TLL1: variants seen among roughly 807,000 people sequenced by gnomAD.
The protein encoded by TLL1 is tolloid-like protein 1.
In TLL1, 49 loss-of-function variants were observed where a neutral mutation model predicts 128.2. The observed-to-expected ratio is 0.38, with a 90% CI of 0.30 to 0.48. TLL1 has a LOEUF of 0.48. Ranked by LOEUF, TLL1 falls within the 20% of genes least tolerant of loss-of-function variation. The probability of loss-of-function intolerance (pLI) is 0.96; values close to 1 mark genes in which losing one functional copy is unlikely to be tolerated. For synonymous variants in TLL1, 454 were observed against 418.8 expected (o/e 1.08, Z -1.03); for missense variants, 1,123 against 1,242.0 (o/e 0.90, Z 1.44).
chr4:166,008,096 T>C (rs867205714), intron 7 of TLL1, 48 bp downstream of exon 7: 3 of 1,379,136 alleles, frequency 2.2e-6, no homozygotes, highest in African/African-American at 2.9e-5. Flanking sequence ...CTTTCCTCCA[T>C]GTGGCTCCTC....
At chr4:165,992,776 T>G in intron 2 of TLL1, 28 bp from the exon 3 acceptor site, 2 of 1,604,632 alleles carry the variant, frequency 1.2e-6, no homozygotes, top group Non-Finnish European at 1.7e-6. Flanking sequence ...ATATTTTGAG[T>G]TTAACTTGTT....
intron 7 of TLL1, among the ~76,000 whole-genome samples, chr4:166,010,661 G>C (rs959844973): frequency 6.6e-6 from 1 of 150,920 alleles, no homozygotes; most frequent in Non-Finnish European, 1.5e-5. Context: ...ATGTCATCCT[G>C]TTTGTCTATT....
At chr4:165,955,897 T>C (rs574914969) in intron 1 of TLL1, among the ~76,000 whole-genome samples, 1 of 152,054 alleles carries the variant, frequency 6.6e-6, no homozygotes, top group Admixed American at 6.6e-5. Context: ...AGCTGAGAAA[T>C]AAAGAGAAAG....
At chr4:166,054,656 A>C (rs1739918415) in intron 12 of TLL1, among the ~76,000 whole-genome samples, 2 of 147,972 alleles carry the variant, frequency 1.4e-5, no homozygotes, top group South Asian at 4.3e-4. Context: ...ATGAGTGAGA[A>C]TATGCAGCAA....
intron 9 of TLL1, among the ~76,000 whole-genome samples, chr4:166,036,504 T>C (rs1220079898): frequency 6.6e-6 from 1 of 152,190 alleles, no homozygotes; most frequent in East Asian, 1.9e-4. Context: ...TCACGTAAAA[T>C]AACATAATGT....
At chr4:165,939,599 C>A (rs1479731535) in intron 1 of TLL1, among the ~76,000 whole-genome samples, 1 of 152,010 alleles carries the variant, frequency 6.6e-6, no homozygotes, top group Non-Finnish European at 1.5e-5. Context: ...GCTATTGAAG[C>A]TTTCTAGAGT....
In TLL1 at chr4:166,093,196, A is replaced by T. The variant is rs1741856464; in HGVS notation, c.2656+1855A>T. 2.6e-5 allele frequency among the ~76,000 whole-genome samples: 4 copies of T among 152,124 alleles called. 1 individual carries two copies. The highest frequency in any genetic ancestry group is 4.1e-4 in the South Asian group (2 of 4,826). On this transcript the variant is annotated intron_variant, in intron 19 of 20. Transcript: ENST00000061240. ...GGCCCAGGAGACCGGCACTTAGCAC[A>T]CCAAGGACCTGCACTGGCACTGGTC...
intron 1 of TLL1, among the ~76,000 whole-genome samples, chr4:165,894,795 C>G (rs79621863): frequency 6.7e-6 from 1 of 150,116 alleles, no homozygotes; most frequent in African/African-American, 2.5e-5. Flanking sequence ...TCTGTTACTA[C>G]CTTTCTGGAG....
At chr4:166,093,611 CTT>C (rs1741882393) in intron 19 of TLL1, among the ~76,000 whole-genome samples, 2 of 152,282 alleles carry the variant, frequency 1.3e-5, no homozygotes, top group Admixed American at 1.3e-4. Flanking sequence ...AGGCTTTCCT[CTT>C]TTACTAATCC....
intron 9 of TLL1, 38 bp downstream of exon 9, chr4:166,025,469 A>T: frequency 6.9e-7 from 1 of 1,454,290 alleles, no homozygotes; most frequent in Non-Finnish European, 9.7e-7. Flanking sequence ...TTATTCTTAT[A>T]TAAGTACAAA....
intron 1 of TLL1, among the ~76,000 whole-genome samples, chr4:165,957,271 T>C (rs1734847442): frequency 6.6e-6 from 1 of 152,166 alleles, no homozygotes; most frequent in East Asian, 1.9e-4. Context: ...CATTACATAG[T>C]GGTAAAGGAT....
intron 1 of TLL1, among the ~76,000 whole-genome samples, chr4:165,985,812 C>T (rs1229390062): frequency 1.3e-5 from 2 of 152,088 alleles, no homozygotes; most frequent in Non-Finnish European, 2.9e-5. Flanking sequence ...TGTGCATTAA[C>T]GGCAAATAAC....
In TLL1 at chr4:166,039,534, A is replaced by C. The variant is rs573770987; in HGVS notation, c.1261+93A>C. 34 of 869,980 alleles carry C rather than the reference A, an allele frequency of 3.9e-5. No individual in the cohort carries two copies. In the African/African-American group the frequency reaches 5.2e-4, roughly 13 times the overall value. 53.9% of individuals were successfully genotyped at this position (869,980 alleles called of 1,614,324 possible). On this transcript the variant is annotated intron_variant, in intron 10 of 20. Transcript: ENST00000061240. ...TCTCTCAAGAGTCATCGTAGAGTTAAAAATGTGTGTGACTAACATTATTTT... is the reference window on the plus strand; with the variant it reads ...TCTCTCAAGAGTCATCGTAGAGTTACAAATGTGTGTGACTAACATTATTTT...
intron 16 of TLL1, among the ~76,000 whole-genome samples, chr4:166,073,617 A>G (rs1265267250): frequency 6.6e-6 from 1 of 152,152 alleles, no homozygotes; most frequent in African/African-American, 2.4e-5. Flanking sequence ...AAAAACTGAG[A>G]TTGCCTGTAT....
At chr4:165,921,163 T>C (rs1180966914) in intron 1 of TLL1, among the ~76,000 whole-genome samples, 4 of 152,162 alleles carry the variant, frequency 2.6e-5, no homozygotes, top group African/African-American at 4.8e-5. Flanking sequence ...GGGGCCCAAA[T>C]GAGATGACAT....
rs1186429585 is a variant in TLL1, at chr4:166,043,326, T to C, written c.1431T>C (p.Asn477=). Residue 477 remains asparagine (N), a synonymous_variant, in exon 12 of 21, where the codon AAT becomes AAC. Transcript: ENST00000061240. ...RKNEGQIQSP[N]YPDDYRPMKE... is the part of the protein sequence containing the mutation. ...ATGAAGGACAGATTCAGTCTCCCAA[T>C]TATCCTGATGACTATCGCCCGATGA... 1 of 1,614,028 alleles carries C rather than the reference T, an allele frequency of 6.2e-7. No individual in the cohort carries two copies. The highest frequency in any genetic ancestry group is 1.3e-5 in the African/African-American group (1 of 74,928).
rs1240167903 is a variant in TLL1 at position 166,103,158 on chromosome 4, G to A, written c.*2282G>A. ...GAAACCCAGTTTATCTTATACAAATGAGCCTCTGCTTGTTCTACAAAGGTA... is the reference window on the plus strand; with the variant it reads ...GAAACCCAGTTTATCTTATACAAATAAGCCTCTGCTTGTTCTACAAAGGTA... On this transcript the variant is annotated 3_prime_UTR_variant, in exon 21 of 21. Transcript: ENST00000061240. The A allele has an allele frequency of 1.3e-5, 2 of 151,812 alleles. No individual in the cohort carries two copies. Among genetic ancestry groups the A allele is most frequent in the Non-Finnish European group, 2.9e-5 (2 of 67,864 alleles). The allele number at this position is 151,812 out of a possible 1,614,324, so 9.4% of individuals were successfully genotyped here. A position where few individuals can be genotyped will look rare whatever the true frequency, so the allele number is the denominator to read the frequency against.
chr4:165,946,413 G>A (rs1172527995), intron 1 of TLL1, among the ~76,000 whole-genome samples: 1 of 151,352 alleles, frequency 6.6e-6, no homozygotes, highest in East Asian at 1.9e-4. Flanking sequence ...ATAGCTCACT[G>A]CAGCCTTGAC....
rs776864384 is a variant in TLL1 at position 165,965,207 on chromosome 4, A to C, written c.170-24174A>C. ...ATGTTGGGATAGTATTTAGACTCTG[A>C]AAAGACATAATATGTTTCTTTGTAG... On this transcript the variant is annotated intron_variant, in intron 1 of 20. Transcript: ENST00000061240. Among the ~76,000 whole-genome samples the C allele has an allele frequency of 4.7e-4, 72 of 152,190 alleles. 1 individual carries two copies. Among genetic ancestry groups the C allele is most frequent in the Non-Finnish European group, 8.8e-4 (60 of 68,040 alleles).
Sources: gnomAD v4.1 joint callset for allele counts (sites outside exome capture counted in the v4.1 genomes callset) on GRCh38, gnomAD v4.1.1 for gene constraint, MANE v1.5 for transcripts, NCBI Gene and HGNC (gene_info 2026-07-23, HGNC 2026-07-21) for gene names.